The following GRM8 variants were observed in gnomAD, a reference collection of about 807,000 sequenced individuals.
GRM8 encodes metabotropic glutamate receptor 8.
GRM8 carries 47 observed loss-of-function variants against 87.2 expected under a neutral mutation model. The observed-to-expected ratio is 0.54, with a 90% confidence interval of 0.43 to 0.69. The LOEUF (loss-of-function observed/expected upper bound fraction) is 0.69, where lower values mean the gene tolerates loss of function less well. Among genes scored for constraint, GRM8 ranks in the 30% least tolerant of loss-of-function variants. The pLI is 0.00. For synonymous variants in GRM8, 396 were observed against 404.5 expected (o/e 0.98, Z 0.25); for missense variants, 1,019 against 1,139.2 (o/e 0.89, Z 1.52).
intron 1 of GRM8, among the ~76,000 whole-genome samples, chr7:127,244,074 G>GA (rs926920461): frequency 6.6e-6 from 1 of 151,610 alleles, no homozygotes; most frequent in Non-Finnish European, 1.5e-5. Context: ...TGTAGCTTGT[G>GA]AAAAAAAATT....
chr7:126,770,436 C>A (rs921027585), intron 6 of GRM8, among the ~76,000 whole-genome samples: 1 of 151,996 alleles, frequency 6.6e-6, no homozygotes, highest in African/African-American at 2.4e-5. Flanking sequence ...GTCTCAGCTC[C>A]AGGAGTGTCA....
At chr7:126,756,549 A>G (rs1817024352) in intron 7 of GRM8, among the ~76,000 whole-genome samples, 1 of 152,106 alleles carries the variant, frequency 6.6e-6, no homozygotes, top group Non-Finnish European at 1.5e-5. Context: ...ATCAAAATAT[A>G]CAAAGAGCCC....
intron 3 of GRM8, among the ~76,000 whole-genome samples, chr7:127,100,015 C>T (rs1377900631): frequency 6.6e-6 from 1 of 152,026 alleles, no homozygotes. Context: ...TGGAGTGATG[C>T]ATCTACAAGC....
At chr7:127,013,790 A>G (rs1815127095) in intron 3 of GRM8, among the ~76,000 whole-genome samples, 1 of 152,182 alleles carries the variant, frequency 6.6e-6, no homozygotes, top group African/African-American at 2.4e-5. Flanking sequence ...AGGAATGTCA[A>G]GCATAAAACC....
chr7:126,586,239 G>A (rs1027371804), intron 8 of GRM8, among the ~76,000 whole-genome samples: 8 of 152,254 alleles, frequency 5.3e-5, no homozygotes, highest in Non-Finnish European at 8.8e-5. Context: ...TCAATATCAT[G>A]AAAATGGCCA....
chr7:126,831,213 G>A (rs1795335614), intron 6 of GRM8, among the ~76,000 whole-genome samples: 1 of 152,210 alleles, frequency 6.6e-6, no homozygotes, highest in Admixed American at 6.5e-5. Context: ...TGAGTGCTGG[G>A]AGAACCACTG....
intron 9 of GRM8, among the ~76,000 whole-genome samples, chr7:126,453,775 T>C (rs539308673): frequency 1.0e-3 from 158 of 151,948 alleles, no homozygotes; most frequent in African/African-American, 3.7e-3. Context: ...TTAAATAAAA[T>C]GTGGTCTTTA....
At chr7:126,899,778 T>C (rs1441706754) in intron 6 of GRM8, among the ~76,000 whole-genome samples, 5 of 151,736 alleles carry the variant, frequency 3.3e-5, no homozygotes, top group African/African-American at 1.2e-4. Flanking sequence ...TGCCCTATCC[T>C]AAAGAAATCT....
chr7:127,061,165 A>G (rs2132586094), intron 3 of GRM8, among the ~76,000 whole-genome samples: 1 of 152,322 alleles, frequency 6.6e-6, no homozygotes, highest in Admixed American at 6.5e-5. Context: ...CCACAGAGAG[A>G]CATTAAACTT....
At chr7:126,953,962 A>G (rs546548385) in intron 3 of GRM8, among the ~76,000 whole-genome samples, 67 of 152,298 alleles carry the variant, frequency 4.4e-4, no homozygotes, top group African/African-American at 1.6e-3. Context: ...AACTAGGACT[A>G]GAAGATATTT....
At chr7:126,955,300 A>G (rs1419449) in intron 3 of GRM8, among the ~76,000 whole-genome samples, 16,810 of 152,130 alleles carry the variant, frequency 0.11, 1,021 homozygotes, top group East Asian at 0.22. Flanking sequence ...TCCCACCTTC[A>G]TTTCTTCAAG....
chr7:126,512,734 T>C (rs1271127542), intron 9 of GRM8: 6 of 152,142 alleles, frequency 3.9e-5, no homozygotes, highest in Non-Finnish European at 7.4e-5. Flanking sequence ...CATATAAGGT[T>C]GAATGGAAAG....
chr7:127,156,416 T>C (rs1792736605), intron 2 of GRM8, among the ~76,000 whole-genome samples: 1 of 152,114 alleles, frequency 6.6e-6, no homozygotes, highest in Non-Finnish European at 1.5e-5. Context: ...GACAACCAAG[T>C]AGCAAACTAA....
At chr7:126,749,723 T>C (rs896510419) in intron 7 of GRM8, among the ~76,000 whole-genome samples, 2 of 152,048 alleles carry the variant, frequency 1.3e-5, no homozygotes, top group Non-Finnish European at 2.9e-5. Flanking sequence ...AATAAGCTTA[T>C]AGAAAGATAC....
At chr7:127,135,945 C>G (rs556737304) in intron 2 of GRM8, among the ~76,000 whole-genome samples, 1 of 152,204 alleles carries the variant, frequency 6.6e-6, no homozygotes, top group East Asian at 1.9e-4. Flanking sequence ...AGGAGTCCCA[C>G]AGAAGTTCAT....
chr7:127,088,225 G>T (rs2132865549), intron 3 of GRM8, among the ~76,000 whole-genome samples: 2 of 152,252 alleles, frequency 1.3e-5, no homozygotes, highest in South Asian at 4.2e-4. Flanking sequence ...TCACTGACTG[G>T]ACTCAATTGG....
chr7:127,212,407 G>GTTGTT (rs1563581982), intron 2 of GRM8, among the ~76,000 whole-genome samples: 3 of 118,416 alleles, frequency 2.5e-5, no homozygotes, highest in African/African-American at 1.1e-4. Context: ...AGGACATGGT[G>GTTGTT]TTATTTTTTT....
At chr7:127,088,861 A>C (rs565044251) in intron 3 of GRM8, among the ~76,000 whole-genome samples, 1 of 152,344 alleles carries the variant, frequency 6.6e-6, no homozygotes, top group East Asian at 1.9e-4. Context: ...TGCATGGCTA[A>C]AGTGAATAGC....
intron 9 of GRM8, among the ~76,000 whole-genome samples, chr7:126,494,963 A>T (rs540505133): frequency 7.6e-4 from 115 of 152,182 alleles, no homozygotes; most frequent in Middle Eastern, 6.8e-3. Flanking sequence ...ATTTCCTAAG[A>T]TCTCTTATTA....
Sources: gnomAD v4.1 joint callset for allele counts (sites outside exome capture counted in the v4.1 genomes callset) on GRCh38, gnomAD v4.1.1 for gene constraint, MANE v1.5 for transcripts, NCBI Gene and HGNC (gene_info 2026-07-23, HGNC 2026-07-21) for gene names.